The following KANSL1L variants were observed in gnomAD, a reference collection of about 807,000 sequenced individuals.
KANSL1L encodes KAT8 regulatory NSL complex subunit 1 like, also known as KAT8 regulatory NSL complex subunit 1-like protein.
KANSL1L carries 25 observed loss-of-function variants against 108.6 expected under a neutral mutation model. That is an observed-to-expected ratio of 0.23 (90% CI 0.17 to 0.32). KANSL1L has a LOEUF of 0.32. Ranked by LOEUF, KANSL1L falls within the 10% of genes least tolerant of loss-of-function variation. The pLI is 1.00. For synonymous variants in KANSL1L, 405 were observed against 395.1 expected, an observed-to-expected ratio of 1.03 and a Z score of -0.30; for missense variants, 1,137 against 1,125.7, an observed-to-expected ratio of 1.01 and a Z score of -0.14.
intron 1 of KANSL1L, among the ~76,000 whole-genome samples, chr2:210,158,783 T>A (rs1227174553): frequency 1.3e-5 from 2 of 151,994 alleles, no homozygotes; most frequent in African/African-American, 4.8e-5. Flanking sequence ...ATGTCTCCTA[T>A]AAATAAAAAA....
intron 2 of KANSL1L, 54 bp downstream of exon 2, chr2:210,153,441 T>C: frequency 2.3e-6 from 3 of 1,332,000 alleles, no homozygotes; most frequent in Non-Finnish European, 3.2e-6. Flanking sequence ...GAAACTAAGA[T>C]AATTGCTGCT....
At chr2:210,050,067 C>T (rs974346285) in intron 6 of KANSL1L, among the ~76,000 whole-genome samples, 7 of 152,092 alleles carry the variant, frequency 4.6e-5, no homozygotes, top group African/African-American at 1.2e-4. Context: ...TGGGGAAGGA[C>T]GAGGCAGCTG....
intron 1 of KANSL1L, among the ~76,000 whole-genome samples, chr2:210,156,249 A>C (rs2125653094): frequency 6.6e-6 from 1 of 152,186 alleles, no homozygotes; most frequent in East Asian, 1.9e-4. Flanking sequence ...AACTGATAAA[A>C]ATTTTTTTTT....
chr2:210,142,934 T>C (rs1429871720), intron 2 of KANSL1L, among the ~76,000 whole-genome samples: 5 of 152,152 alleles, frequency 3.3e-5, no homozygotes, highest in African/African-American at 1.2e-4. Flanking sequence ...TTGGATGGAA[T>C]GTTCTATATA....
chr2:210,059,784 T>A (rs532658609), intron 6 of KANSL1L, among the ~76,000 whole-genome samples: 25 of 152,262 alleles, frequency 1.6e-4, no homozygotes, highest in African/African-American at 4.6e-4. Flanking sequence ...TTTTTTTTTT[T>A]TTGAGATAGT....
intron 8 of KANSL1L, 35 bp downstream of exon 8, chr2:210,040,385 G>T: frequency 1.1e-6 from 1 of 929,988 alleles, no homozygotes; most frequent in Non-Finnish European, 1.8e-6. Context: ...ACATAAAAAG[G>T]CATATAGAGT....
chr2:210,096,857 T>A (rs1304724535), intron 5 of KANSL1L: 1 of 745,850 alleles, frequency 1.3e-6, no homozygotes, highest in East Asian at 1.3e-4. Context: ...TCAACATAAA[T>A]AAAATAGTAA....
chr2:210,103,562 G>T (rs2094817007), intron 4 of KANSL1L, among the ~76,000 whole-genome samples: 1 of 152,158 alleles, frequency 6.6e-6, no homozygotes, highest in African/African-American at 2.4e-5. Context: ...GACAGATACA[G>T]GATAGACTGG....
intron 3 of KANSL1L, among the ~76,000 whole-genome samples, chr2:210,120,676 C>CT (rs2095008011): frequency 6.6e-6 from 1 of 151,998 alleles, no homozygotes; most frequent in African/African-American, 2.4e-5. Flanking sequence ...AGTTTCTGCA[C>CT]AGAGAAAGAA....
chr2:210,093,660 T>G (rs975713324), intron 5 of KANSL1L, among the ~76,000 whole-genome samples: 2 of 152,236 alleles, frequency 1.3e-5, no homozygotes, highest in African/African-American at 4.8e-5. Flanking sequence ...TAATATTTGC[T>G]AATTTCTAAT....
At chr2:210,068,279 TAA>T (rs916417699) in intron 6 of KANSL1L, among the ~76,000 whole-genome samples, 14 of 152,192 alleles carry the variant, frequency 9.2e-5, no homozygotes, top group African/African-American at 3.4e-4. Context: ...TATTTTTAAT[TAA>T]GTTATCTCTT....
At chr2:210,121,946 C>A (rs1241418079) in intron 3 of KANSL1L, among the ~76,000 whole-genome samples, 3 of 151,988 alleles carry the variant, frequency 2.0e-5, no homozygotes, top group Admixed American at 2.0e-4. Context: ...ACAGTAGATA[C>A]AAATAAAACA....
At chr2:210,074,696 T>A (rs940867408) in intron 6 of KANSL1L, among the ~76,000 whole-genome samples, 1 of 152,206 alleles carries the variant, frequency 6.6e-6, no homozygotes, top group South Asian at 2.1e-4. Flanking sequence ...AGAATCCACA[T>A]TCCTATTTAT....
At chr2:210,100,162 G>A (rs2094779730) in intron 4 of KANSL1L, among the ~76,000 whole-genome samples, 1 of 152,060 alleles carries the variant, frequency 6.6e-6, no homozygotes. Context: ...GATTCTCATA[G>A]CAGCGCGAAC....
chr2:210,127,983 C>A (rs1020326810), intron 3 of KANSL1L, among the ~76,000 whole-genome samples: 24 of 151,892 alleles, frequency 1.6e-4, no homozygotes, highest in African/African-American at 5.8e-4. Context: ...AAGAAGATAT[C>A]CAAAAGCCAA....
intron 1 of KANSL1L, among the ~76,000 whole-genome samples, chr2:210,168,265 T>C (rs1034224281): frequency 4.6e-5 from 7 of 152,076 alleles, no homozygotes; most frequent in Non-Finnish European, 7.4e-5. Context: ...CTAAGCATAA[T>C]TCTATACCTG....
At chr2:210,064,319 A>G (rs1481969790) in intron 6 of KANSL1L, 1 of 152,196 alleles carries the variant, frequency 6.6e-6, no homozygotes, top group South Asian at 2.1e-4. Context: ...CCTGACACAT[A>G]ATTGCTTAAT....
At chr2:210,167,781 A>G (rs1242075149) in intron 1 of KANSL1L, among the ~76,000 whole-genome samples, 2 of 152,028 alleles carry the variant, frequency 1.3e-5, no homozygotes, top group Admixed American at 1.3e-4. Context: ...AAATGTTTCT[A>G]AGAACCTAAA....
At chr2:210,166,465 A>C (rs988700613) in intron 1 of KANSL1L, among the ~76,000 whole-genome samples, 1 of 152,142 alleles carries the variant, frequency 6.6e-6, no homozygotes, top group African/African-American at 2.4e-5. Context: ...GTTGAAACTG[A>C]TAATCTATAT....
Sources: gnomAD v4.1 joint callset for allele counts (sites outside exome capture counted in the v4.1 genomes callset) on GRCh38, gnomAD v4.1.1 for gene constraint, MANE v1.5 for transcripts, NCBI Gene and HGNC (gene_info 2026-07-23, HGNC 2026-07-21) for gene names.